DCX: variants seen among roughly 807,000 people sequenced by gnomAD.
DCX encodes doublecortin, also known as neuronal migration protein doublecortin.
DCX carries 4 observed loss-of-function variants against 20.9 expected under a neutral mutation model. The ratio of observed to expected loss-of-function variants is 0.19; its 90% CI spans 0.09 to 0.44. DCX has a LOEUF of 0.44. Among genes scored for constraint, DCX ranks in the 20% least tolerant of loss-of-function variants. The pLI, the probability that DCX is intolerant of heterozygous loss-of-function variation, is 0.99. For synonymous variants in DCX, 103 were observed against 111.4 expected, an observed-to-expected ratio of 0.92 and a Z score of 0.47; for missense variants, 133 against 296.9, an observed-to-expected ratio of 0.45 and a Z score of 4.06.
In DCX at chrX:111,301,452, C is replaced by T; in HGVS notation, c.*235G>A. 1 of 439,981 alleles carries T rather than the reference C, an allele frequency of 2.3e-6. No individual in the cohort carries two copies. The highest frequency in any genetic ancestry group is 4.1e-6 in the Non-Finnish European group (1 of 246,713). 36.3% of individuals were successfully genotyped at this position (439,981 alleles called of 1,213,427 possible). A position where few individuals can be genotyped will look rare whatever the true frequency, so the allele number is the denominator to read the frequency against. ...ACATTTTGCATCCCTGGAATGCTGCCCCAAAGGATGGTTATCAATCTATCT... is the reference window on the plus strand; with the variant it reads ...ACATTTTGCATCCCTGGAATGCTGCTCCAAAGGATGGTTATCAATCTATCT... On this transcript the variant is annotated 3_prime_UTR_variant, in exon 7 of 7. Transcript: ENST00000636035.
chrX:111,374,474 G>A (rs1320334555), intron 3 of DCX, among the ~76,000 whole-genome samples: 1 of 111,253 alleles, frequency 9.0e-6, no homozygotes, highest in Admixed American at 9.5e-5. Flanking sequence ...ACTCACATAC[G>A]CTACTGTTCA....
At chrX:111,327,287 T>A (rs978391317) in intron 5 of DCX, among the ~76,000 whole-genome samples, 3 of 112,073 alleles carry the variant, frequency 2.7e-5, no homozygotes, top group Non-Finnish European at 5.6e-5. Flanking sequence ...TACTACCATG[T>A]CCTAGAAATG....
chrX:111,386,364 G>A (rs1402442422), intron 3 of DCX, among the ~76,000 whole-genome samples: 1 of 110,102 alleles, frequency 9.1e-6, no homozygotes, highest in African/African-American at 3.3e-5. Context: ...ATTTCCTCTG[G>A]AGTCCAAGTG....
chrX:111,322,723 A>T lies in DCX; in HGVS notation c.946+8181T>A, dbSNP rs149086759. Among the ~76,000 whole-genome samples the T allele has an allele frequency of 2.9e-3, 322 of 112,029 alleles. No homozygotes were observed. In the Middle Eastern group the frequency reaches 0.033, roughly 11 times the overall value. ...GAAAAGCTTTTGTCCCTCTCCCTAG[A>T]CCCATCCATTAGGGGAGCAAGAACT... On this transcript the variant is annotated intron_variant, in intron 5 of 6. Transcript: ENST00000636035.
chrX:111,378,554 C>T (rs748372285), intron 3 of DCX, among the ~76,000 whole-genome samples: 2 of 111,578 alleles, frequency 1.8e-5, no homozygotes, highest in Non-Finnish European at 3.8e-5. Context: ...CCAATCTTCT[C>T]TAACAGACAA....
intron 3 of DCX, among the ~76,000 whole-genome samples, chrX:111,342,401 T>C (rs1302619117): frequency 1.3e-5 from 1 of 77,157 alleles, no homozygotes; most frequent in Non-Finnish European, 2.5e-5. Context: ...TACAGGAGCA[T>C]CCATATTCAA....
chrX:111,365,795 C>T (rs1924581657), intron 3 of DCX, among the ~76,000 whole-genome samples: 1 of 112,011 alleles, frequency 8.9e-6, no homozygotes, highest in Non-Finnish European at 1.9e-5. Context: ...TTTATCTTTA[C>T]ATTGTATATA....
At chrX:111,371,383 A>G (rs902822883) in intron 3 of DCX, among the ~76,000 whole-genome samples, 1 of 111,207 alleles carries the variant, frequency 9.0e-6, no homozygotes, top group Admixed American at 9.6e-5. Context: ...CCACTTCCTC[A>G]GCCTTCTGTA....
chrX:111,342,653 C>T (rs1188488903), intron 3 of DCX, among the ~76,000 whole-genome samples: 1 of 108,372 alleles, frequency 9.2e-6, no homozygotes, highest in African/African-American at 3.3e-5. Flanking sequence ...TAAAATCAAC[C>T]ACATAATTGG....
chrX:111,310,014 G>A (rs2095053839), intron 6 of DCX, among the ~76,000 whole-genome samples: 1 of 112,410 alleles, frequency 8.9e-6, no homozygotes. Context: ...CATAATGTTT[G>A]CCTGTGATAT....
chrX:111,313,066 G>A (rs2095061260), intron 5 of DCX, among the ~76,000 whole-genome samples: 1 of 111,111 alleles, frequency 9.0e-6, no homozygotes, highest in Non-Finnish European at 1.9e-5. Context: ...GAGGTAGTCT[G>A]GGAAGGTATT....
intron 3 of DCX, among the ~76,000 whole-genome samples, chrX:111,364,849 T>C (rs1428564221): frequency 9.0e-6 from 1 of 111,117 alleles, no homozygotes; most frequent in Non-Finnish European, 1.9e-5. Context: ...GCTGGGTTAG[T>C]CAAAGACATT....
intron 5 of DCX, 105 bp downstream of exon 5, chrX:111,330,799 C>A: frequency 9.1e-7 from 1 of 1,103,572 alleles, no homozygotes; most frequent in Non-Finnish European, 1.2e-6. Flanking sequence ...AATAGGGTTT[C>A]ATGGAGACAC....
chrX:111,299,237 A>G lies in DCX; in HGVS notation c.*2450T>C, dbSNP rs907781752. On this transcript the variant is annotated 3_prime_UTR_variant, in exon 7 of 7. Transcript: ENST00000636035. ...AGCCTCATCCCCTGCTCCCTCCAAA[A>G]TGGCCATAAAGAAACATTTCCTTAT... The G allele has an allele frequency of 9.0e-6, 1 of 111,633 alleles. No individual in the cohort carries two copies. Among genetic ancestry groups the G allele is most frequent in the African/African-American group, 3.3e-5 (1 of 30,681 alleles). The allele number at this position is 111,633 out of a possible 1,213,427, so 9.2% of individuals were successfully genotyped here.
rs1048824953 is a variant in DCX, at chrX:111,294,311, A to AT, written c.*7375dup. On this transcript the variant is annotated 3_prime_UTR_variant, in exon 7 of 7. Coordinates refer to ENST00000636035, the MANE Select transcript of DCX (RefSeq NM_001195553.2). ...CTTAAATATCTGTTTTATTTCTCTCATTTTTTCTTTTTTTTTCAAATAATT... is the reference window on the plus strand; with the variant it reads ...CTTAAATATCTGTTTTATTTCTCTCATTTTTTTCTTTTTTTTTCAAATAATT... 2.8e-5 allele frequency: 3 copies of AT among 107,701 alleles called. No homozygotes were observed. The highest frequency in any genetic ancestry group is 6.8e-5 in the African/African-American group (2 of 29,392). 8.9% of individuals were successfully genotyped at this position (107,701 alleles called of 1,213,427 possible). A position where few individuals can be genotyped will look rare whatever the true frequency, so the allele number is the denominator to read the frequency against.
intron 3 of DCX, among the ~76,000 whole-genome samples, chrX:111,383,754 C>A (rs1406185929): frequency 9.0e-6 from 1 of 111,219 alleles, no homozygotes; most frequent in Admixed American, 9.6e-5. Flanking sequence ...CATTGACTTG[C>A]CTAGGGAGAT....
chrX:111,392,964 A>G (rs1443081910), intron 3 of DCX, among the ~76,000 whole-genome samples: 1 of 111,113 alleles, frequency 9.0e-6, no homozygotes, highest in Non-Finnish European at 1.9e-5. Flanking sequence ...AAGGAACAAT[A>G]GCCCATTTTA....
At position 111,295,076 on chromosome X, in the gene DCX, T is replaced by C. The variant is rs755721011; in HGVS notation, c.*6611A>G. ...GTTGTATACAAGTCATAAGGGATCA[T>C]TGGCTTCAAGCTGCAATATATTACA... On this transcript the variant is annotated 3_prime_UTR_variant, in exon 7 of 7. Transcript: ENST00000636035. The C allele has an allele frequency of 8.9e-6, 1 of 112,952 alleles. No homozygotes were observed. Among genetic ancestry groups the C allele is most frequent in the Non-Finnish European group, 1.9e-5 (1 of 53,331 alleles). The allele number at this position is 112,952 out of a possible 1,213,427, so 9.3% of individuals were successfully genotyped here.
At chrX:111,401,469 A>C (rs1457384627) in intron 2 of DCX, 139 bp from the exon 3 acceptor site, 7 of 537,822 alleles carry the variant, frequency 1.3e-5, no homozygotes, top group Non-Finnish European at 2.1e-5. Flanking sequence ...TGCAATTCCT[A>C]ATTGGGCTAA....
Sources: allele counts gnomAD v4.1 joint callset (sites outside exome capture counted in the v4.1 genomes callset), GRCh38; gene constraint gnomAD v4.1.1; transcripts MANE v1.5; gene names NCBI Gene and HGNC (gene_info 2026-07-23, HGNC 2026-07-21).